Variants in KCNIP4 observed in about 807,000 individuals in gnomAD.
KCNIP4 encodes potassium voltage-gated channel interacting protein 4.
Under a neutral mutation model 34.0 loss-of-function variants are expected in KCNIP4, and 12 were observed. The ratio of observed to expected loss-of-function variants is 0.35; its 90% CI spans 0.23 to 0.57. The LOEUF (loss-of-function observed/expected upper bound fraction) is 0.57. KCNIP4 is among the 20% of genes least tolerant of loss of function. The pLI is 0.83. For synonymous variants in KCNIP4, 124 were observed against 102.2 expected, an observed-to-expected ratio of 1.21 and a Z score of -1.29; for missense variants, 238 against 311.7, an observed-to-expected ratio of 0.76 and a Z score of 1.78.
intron 1 of KCNIP4, among the ~76,000 whole-genome samples, chr4:21,065,629 G>T (rs577726189): frequency 6.7e-6 from 1 of 149,734 alleles, no homozygotes; most frequent in South Asian, 2.1e-4. Flanking sequence ...AATATTGTGG[G>T]AATATAAACT....
chr4:21,667,626 T>G (rs1263806068), intron 1 of KCNIP4, among the ~76,000 whole-genome samples: 1 of 152,208 alleles, frequency 6.6e-6, no homozygotes, highest in African/African-American at 2.4e-5. Flanking sequence ...TTTTCCAGAA[T>G]AAAAGATAAG....
chr4:21,220,271 G>A (rs1325899041), intron 1 of KCNIP4, among the ~76,000 whole-genome samples: 2 of 152,124 alleles, frequency 1.3e-5, no homozygotes, highest in East Asian at 3.9e-4. Flanking sequence ...ATTGGGTTGA[G>A]ACAATTGATA....
intron 1 of KCNIP4, among the ~76,000 whole-genome samples, chr4:21,181,597 A>T (rs1449429438): frequency 6.6e-6 from 1 of 152,114 alleles, no homozygotes; most frequent in Non-Finnish European, 1.5e-5. Context: ...TGAGCTGTGA[A>T]GCTTCTCCAT....
At chr4:20,824,619 G>A (rs572231807) in intron 3 of KCNIP4, among the ~76,000 whole-genome samples, 1 of 152,270 alleles carries the variant, frequency 6.6e-6, no homozygotes, top group African/African-American at 2.4e-5. Context: ...GGCAGAGGTT[G>A]CAGTGAGCCG....
intron 1 of KCNIP4, among the ~76,000 whole-genome samples, chr4:21,098,231 C>A (rs1327411604): frequency 3.9e-5 from 6 of 152,146 alleles, no homozygotes; most frequent in African/African-American, 1.4e-4. Context: ...GCAGCAAATG[C>A]TGATGTAGAA....
intron 5 of KCNIP4, among the ~76,000 whole-genome samples, chr4:20,736,200 A>G (rs1391594057): frequency 2.0e-5 from 3 of 152,222 alleles, no homozygotes; most frequent in Non-Finnish European, 2.9e-5. Context: ...ATACACAAGT[A>G]TAAGATATAT....
intron 1 of KCNIP4, among the ~76,000 whole-genome samples, chr4:21,272,482 C>T (rs1425341): frequency 0.26 from 39,076 of 152,022 alleles, 5,203 homozygotes; most frequent in South Asian, 0.35. Context: ...CCCCATTTTA[C>T]GGATAAGGAA....
At chr4:21,029,388 A>G (rs1168315366) in intron 1 of KCNIP4, among the ~76,000 whole-genome samples, 1 of 152,218 alleles carries the variant, frequency 6.6e-6, no homozygotes, top group Non-Finnish European at 1.5e-5. Context: ...AACATGTAGG[A>G]CACTTTCTAT....
chr4:21,907,567 G>T (rs917529579), intron 1 of KCNIP4, among the ~76,000 whole-genome samples: 10 of 152,006 alleles, frequency 6.6e-5, no homozygotes, highest in African/African-American at 2.4e-4. Context: ...ATAACTCCAG[G>T]ATTTTTATTT....
intron 1 of KCNIP4, among the ~76,000 whole-genome samples, chr4:21,625,112 C>T (rs1227692569): frequency 6.6e-6 from 1 of 151,986 alleles, no homozygotes; most frequent in Non-Finnish European, 1.5e-5. Context: ...AATAAATGAT[C>T]ATGACTTTGT....
chr4:21,556,937 A>AAAAAAAAAAAAACAAAAAAC (rs1739110837), intron 1 of KCNIP4, among the ~76,000 whole-genome samples: 1 of 149,478 alleles, frequency 6.7e-6, no homozygotes, highest in Non-Finnish European at 1.5e-5. Context: ...AAAAAAAAAA[A>AAAAAAAAAAAAACAAAAAAC]AAAAAACCAG....
At chr4:21,582,117 A>G (rs900110142) in intron 1 of KCNIP4, 1 of 137,502 alleles carries the variant, frequency 7.3e-6, no homozygotes, top group Non-Finnish European at 1.7e-5. Context: ...AATATGACAC[A>G]TAGCAAAGGT....
chr4:21,384,045 G>A (rs1721785465), intron 1 of KCNIP4, among the ~76,000 whole-genome samples: 1 of 152,038 alleles, frequency 6.6e-6, no homozygotes, highest in Admixed American at 6.6e-5. Context: ...GCCGAGCTCA[G>A]TCCTACCTCA....
rs191430366 is a variant in KCNIP4 at position 21,392,555 on chromosome 4, G to A, written c.62-509846C>T. Among the ~76,000 whole-genome samples the A allele has an allele frequency of 5.0e-4, 76 of 152,320 alleles. No individual in the cohort carries two copies. In the East Asian group the frequency reaches 6.2e-3, roughly 12 times the overall value. On this transcript the variant is annotated intron_variant, in intron 1 of 8. Coordinates refer to ENST00000382152, the MANE Select transcript of KCNIP4 (RefSeq NM_025221.6). ...CAAGCAACAGTGGGATTTACGAAGC[G>A]CTGTGAGCTTCACAAACGCTGTTTG...
intron 1 of KCNIP4, among the ~76,000 whole-genome samples, chr4:21,442,129 T>A (rs1311278454): frequency 6.6e-6 from 1 of 152,218 alleles, no homozygotes; most frequent in East Asian, 1.9e-4. Flanking sequence ...GAAATTGTAC[T>A]CTGCACTACT....
intron 1 of KCNIP4, among the ~76,000 whole-genome samples, chr4:21,213,797 C>T (rs575925516): frequency 1.2e-4 from 19 of 152,310 alleles, no homozygotes; most frequent in Non-Finnish European, 1.9e-4. Flanking sequence ...CCACACACAA[C>T]GTTCTACCAT....
intron 1 of KCNIP4, among the ~76,000 whole-genome samples, chr4:21,756,462 G>A (rs899271962): frequency 7.9e-5 from 12 of 151,374 alleles, no homozygotes; most frequent in Admixed American, 2.6e-4. Flanking sequence ...GCTGAGGTAC[G>A]AGAATTGCTT....
At chr4:21,190,512 G>T (rs1172347314) in intron 1 of KCNIP4, among the ~76,000 whole-genome samples, 12 of 151,650 alleles carry the variant, frequency 7.9e-5, no homozygotes, top group Non-Finnish European at 1.8e-4. Flanking sequence ...TGGGTGGGGG[G>T]GGGCACTGAG....
chr4:21,075,791 C>T (rs193177449), intron 1 of KCNIP4, among the ~76,000 whole-genome samples: 155 of 152,296 alleles, frequency 1.0e-3, no homozygotes, highest in Admixed American at 1.3e-3. Flanking sequence ...TTGTTCCTTT[C>T]CATGTTCAGT....
Sources: gnomAD v4.1 joint callset for allele counts (sites outside exome capture counted in the v4.1 genomes callset) on GRCh38, gnomAD v4.1.1 for gene constraint, MANE v1.5 for transcripts, NCBI Gene and HGNC (gene_info 2026-07-23, HGNC 2026-07-21) for gene names.